CLASP1: variants seen among roughly 807,000 people sequenced by gnomAD.
The protein encoded by CLASP1 is cytoplasmic linker associated protein 1.
CLASP1 carries 38 observed loss-of-function variants against 192.3 expected under a neutral mutation model. That is an observed-to-expected ratio of 0.20 (90% CI 0.15 to 0.26). The LOEUF is 0.26. Among genes scored for constraint, CLASP1 ranks in the 10% least tolerant of loss-of-function variants. The probability of loss-of-function intolerance (pLI) is 1.00; values close to 1 mark genes in which losing one functional copy is unlikely to be tolerated. For missense variants in CLASP1, 1,433 were observed against 1,932.5 expected (o/e 0.74, Z 4.85); for synonymous variants, 691 against 712.8 (o/e 0.97, Z 0.49).
chr2:121,612,345 T>G (rs1576465884), intron 1 of CLASP1, among the ~76,000 whole-genome samples: 1 of 134,658 alleles, frequency 7.4e-6, no homozygotes, highest in African/African-American at 2.8e-5. Context: ...AAGAGCAGCA[T>G]GAGGAGGAGG....
chr2:121,539,334 G>T (rs755769299), intron 2 of CLASP1, among the ~76,000 whole-genome samples: 46 of 152,164 alleles, frequency 3.0e-4, no homozygotes, highest in Non-Finnish European at 5.4e-4. Context: ...ACAGGATAAA[G>T]AAACAGATTC....
intron 7 of CLASP1, among the ~76,000 whole-genome samples, chr2:121,509,844 A>T (rs552650840): frequency 6.6e-6 from 1 of 152,280 alleles, no homozygotes; most frequent in South Asian, 2.1e-4. Context: ...CCTCAAAAAA[A>T]TGTTTTTAAT....
intron 37 of CLASP1, among the ~76,000 whole-genome samples, chr2:121,362,910 T>C (rs1397981333): frequency 6.6e-6 from 1 of 152,176 alleles, no homozygotes; most frequent in East Asian, 1.9e-4. Flanking sequence ...AGCACGGACA[T>C]GGAACACATC....
intron 23 of CLASP1, 95 bp from the exon 25 acceptor site, chr2:121,411,064 A>C: frequency 1.4e-6 from 1 of 727,846 alleles, no homozygotes. Context: ...AAGTAGACAG[A>C]AGTACTGAAA....
At chr2:121,476,124 C>T (rs543035687) in intron 8 of CLASP1, among the ~76,000 whole-genome samples, 2 of 152,112 alleles carry the variant, frequency 1.3e-5, no homozygotes, top group Non-Finnish European at 2.9e-5. Context: ...AGCCAGATTA[C>T]AAACACAATC....
intron 1 of CLASP1, among the ~76,000 whole-genome samples, chr2:121,615,732 C>A (rs1268097004): frequency 6.6e-6 from 1 of 151,920 alleles, no homozygotes; most frequent in Admixed American, 6.6e-5. Context: ...TGCAGTGAGC[C>A]AAGATCGTGC....
intron 19 of CLASP1, among the ~76,000 whole-genome samples, chr2:121,434,137 A>G (rs891112111): frequency 4.6e-5 from 7 of 152,244 alleles, no homozygotes; most frequent in African/African-American, 1.7e-4. Context: ...AGCAGTCTTA[A>G]AACTACTCAC....
intron 1 of CLASP1, among the ~76,000 whole-genome samples, chr2:121,642,663 C>T (rs1438406379): frequency 1.3e-5 from 2 of 151,968 alleles, no homozygotes; most frequent in Non-Finnish European, 2.9e-5. Flanking sequence ...ATCCGGGAGG[C>T]GGAGGTTGCA....
chr2:121,369,279 A>G (rs983255099), intron 34 of CLASP1, among the ~76,000 whole-genome samples: 3 of 152,210 alleles, frequency 2.0e-5, no homozygotes, highest in Admixed American at 2.0e-4. Context: ...CCCACAAACA[A>G]AATTTTATAA....
chr2:121,385,387 C>T (rs2072970012), intron 32 of CLASP1, among the ~76,000 whole-genome samples: 1 of 152,044 alleles, frequency 6.6e-6, no homozygotes, highest in South Asian at 2.1e-4. Context: ...ATATTTAGAC[C>T]ACACATGAAC....
intron 1 of CLASP1, among the ~76,000 whole-genome samples, chr2:121,646,612 T>G (rs1174543588): frequency 6.6e-6 from 1 of 152,212 alleles, no homozygotes; most frequent in East Asian, 1.9e-4. Flanking sequence ...TAAAAATTAT[T>G]AAGTAGAAGA....
chr2:121,359,522 G>T lies in CLASP1; in HGVS notation c.4206+3650C>A, dbSNP rs58069941. Among the ~76,000 whole-genome samples, 19 of 152,256 alleles carry T rather than the reference G, an allele frequency of 1.2e-4. No homozygotes were observed. In the East Asian group the frequency reaches 2.5e-3, roughly 20 times the overall value. The stretch of plus-strand genomic sequence containing the variant: ...CAGATTACAAATTCTAATATAAGAA[G>T]AGTTCAAATTCATGGAGTTCTCTTG... On this transcript the variant is annotated intron_variant, in intron 37 of 39. Transcript: ENST00000263710.
At chr2:121,544,439 CA>C (rs11293204) in intron 2 of CLASP1, among the ~76,000 whole-genome samples, 22,642 of 80,738 alleles carry the variant, frequency 0.28, 2,814 homozygotes, top group African/African-American at 0.48. Flanking sequence ...AAAATATATA[CA>C]AAAAAAAAAA....
chr2:121,462,829 A>C (rs2088385946), intron 9 of CLASP1, among the ~76,000 whole-genome samples: 1 of 152,176 alleles, frequency 6.6e-6, no homozygotes. Context: ...CATTAGCTTA[A>C]GGTCACTTAG....
At chr2:121,367,858 C>G in intron 34 of CLASP1, 27 bp from the exon 36 acceptor site, 1 of 1,606,430 alleles carries the variant, frequency 6.2e-7, no homozygotes, top group Admixed American at 1.7e-5. Context: ...TGTCAGTTCC[C>G]TTCTGGGACT....
chr2:121,497,636 T>C (rs1446324227), intron 8 of CLASP1, among the ~76,000 whole-genome samples: 1 of 152,206 alleles, frequency 6.6e-6, no homozygotes, highest in Non-Finnish European at 1.5e-5. Context: ...GGCTAATTAG[T>C]AGACATTAGA....
chr2:121,530,504 C>A (rs1018932749), intron 2 of CLASP1, 179 bp from the exon 3 acceptor site: 5 of 585,850 alleles, frequency 8.5e-6, no homozygotes, highest in African/African-American at 1.9e-5. Flanking sequence ...ACAAAAAGAG[C>A]TATGTACAGC....
intron 13 of CLASP1, 22 bp from the exon 14 acceptor site, chr2:121,457,779 A>G: frequency 6.3e-7 from 1 of 1,582,956 alleles, no homozygotes; most frequent in Non-Finnish European, 8.7e-7. Context: ...AACAAAAAAC[A>G]GAGGTCAACA....
At chr2:121,367,897 G>C (rs1361739651) in intron 34 of CLASP1, 66 bp from the exon 36 acceptor site, 1 of 1,570,158 alleles carries the variant, frequency 6.4e-7, no homozygotes, top group Non-Finnish European at 8.6e-7. Flanking sequence ...TGAATGCTCA[G>C]AAATATTAAG....
Sources: allele counts gnomAD v4.1 joint callset (sites outside exome capture counted in the v4.1 genomes callset), GRCh38; gene constraint gnomAD v4.1.1; transcripts MANE v1.5; gene names NCBI Gene and HGNC (gene_info 2026-07-23, HGNC 2026-07-21).